The following C3orf52 variants were observed in gnomAD, a reference collection of about 807,000 sequenced individuals.
C3orf52 encodes TPA-induced transmembrane protein.
A neutral mutation model predicts 24.8 loss-of-function variants in C3orf52; 22 were observed. That is an observed-to-expected ratio of 0.89 (90% confidence interval 0.63 to 1.27). The LOEUF (loss-of-function observed/expected upper bound fraction) is 1.27, where lower values mean the gene tolerates loss of function less well. Ranked by LOEUF, C3orf52 falls within the 50% of genes most tolerant of loss-of-function variation. The pLI is 0.00. For synonymous variants in C3orf52, 93 were observed against 100.2 expected (o/e 0.93, Z 0.43); for missense variants, 265 against 260.7 (o/e 1.02, Z -0.11).
intron 4 of C3orf52, chr3:112,123,758 C>A (rs1415554634): frequency 1.2e-6 from 2 of 1,612,882 alleles, no homozygotes; most frequent in Non-Finnish European, 1.7e-6. Flanking sequence ...CTGAGTAGGT[C>A]TGGTCAACAT....
chr3:112,110,858 A>G (rs750257549), intron 4 of C3orf52, among the ~76,000 whole-genome samples: 21 of 152,218 alleles, frequency 1.4e-4, no homozygotes, highest in Non-Finnish European at 2.6e-4. Flanking sequence ...TGTGGGGCCA[A>G]ACAGACCTGA....
intron 5 of C3orf52, among the ~76,000 whole-genome samples, chr3:112,114,359 C>G (rs2074114262): frequency 6.8e-6 from 1 of 146,804 alleles, no homozygotes; most frequent in South Asian, 2.2e-4. Context: ...CAGGCAGACA[C>G]TATATGTGTG....
At chr3:112,131,746 CAA>C (rs1417027221), downstream of C3orf52, among the ~76,000 whole-genome samples, 5 of 152,202 alleles carry the variant, frequency 3.3e-5, no homozygotes, top group East Asian at 9.6e-4. Flanking sequence ...TGTAAAATAA[CAA>C]AATCAAAACT....
At chr3:112,123,747 T>G in intron 4 of C3orf52, 1 of 1,613,416 alleles carries the variant, frequency 6.2e-7, no homozygotes, top group South Asian at 1.1e-5. Flanking sequence ...GCACAGCTCC[T>G]CTGAGTAGGT....
Position 112,123,878 on chromosome 3 carries a change from C to T in C3orf52, c.*46+4316C>T. 4.3e-6 allele frequency: 5 copies of T among 1,175,190 alleles called. No individual in the cohort carries two copies. The South Asian group carries it at 7.5e-5, about 18-fold the overall frequency. The allele number at this position is 1,175,190 out of a possible 1,614,324, so 72.8% of individuals were successfully genotyped here. A position where few individuals can be genotyped will look rare whatever the true frequency, so the allele number is the denominator to read the frequency against. ...CCTTGGTCAAGTCTGTCTTCTATGA[C>T]CACCTCCTCCCCATCTCTTGGCCAT... On this transcript the variant is annotated intron_variant, in intron 4 of 4. Transcript: ENST00000480282.
At chr3:112,128,067 A>G in intron 4 of C3orf52, 1 of 1,613,152 alleles carries the variant, frequency 6.2e-7, no homozygotes. Flanking sequence ...AGCATCTAAA[A>G]TACCCAAGAG....
In C3orf52 at chr3:112,115,318, G is replaced by A. The variant is rs59967418; in HGVS notation, c.650-1324G>A. 4.4e-3 allele frequency among the ~76,000 whole-genome samples: 672 copies of A among 152,260 alleles called. 5 individuals carry two copies. Among genetic ancestry groups the A allele is most frequent in the African/African-American group, 0.015 (605 of 41,540 alleles). ...AGGCAGATGGGGGATGAGCTCAGAGGCAAACTCTAGAGAAAGGGAAAATGT... is the reference window on the plus strand; with the variant it reads ...AGGCAGATGGGGGATGAGCTCAGAGACAAACTCTAGAGAAAGGGAAAATGT... On this transcript the variant is annotated intron_variant, in intron 5 of 5. Transcript: ENST00000264848.
chr3:112,088,155 T>A (rs916737753), intron 1 of C3orf52, among the ~76,000 whole-genome samples: 8 of 152,194 alleles, frequency 5.3e-5, no homozygotes, highest in Non-Finnish European at 1.2e-4. Flanking sequence ...AGGAGAGCTG[T>A]CCTCAGTAAC....
chr3:112,127,132 T>C (rs1337392575), intron 4 of C3orf52: 2 of 725,158 alleles, frequency 2.8e-6, no homozygotes, highest in Admixed American at 2.8e-5. Flanking sequence ...TTGTTAAAGT[T>C]ATATACCTTT....
chr3:112,095,577 G>A (rs1329266539), intron 2 of C3orf52, among the ~76,000 whole-genome samples: 2 of 152,184 alleles, frequency 1.3e-5, no homozygotes, highest in African/African-American at 2.4e-5. Flanking sequence ...GATGTAAAAG[G>A]TTATGGGATA....
intron 5 of C3orf52, among the ~76,000 whole-genome samples, chr3:112,113,576 A>G (rs547947207): frequency 3.3e-5 from 5 of 152,342 alleles, no homozygotes; most frequent in Admixed American, 6.5e-5. Context: ...GAGTATCTCA[A>G]TATGGGGAAC....
chr3:112,131,880 A>G (rs1476265205), downstream of C3orf52, among the ~76,000 whole-genome samples: 2 of 152,216 alleles, frequency 1.3e-5, no homozygotes, highest in South Asian at 4.1e-4. Context: ...ATAAAAAACC[A>G]TAAGAAGTCC....
chr3:112,119,617 C>T, downstream of C3orf52: 4 of 679,616 alleles, frequency 5.9e-6, no homozygotes, highest in Non-Finnish European at 1.1e-5. Context: ...GAATCCTGTC[C>T]TATTCAGAGT....
At chr3:112,124,058 G>C (rs1386663789) in intron 4 of C3orf52, among the ~76,000 whole-genome samples, 2 of 152,174 alleles carry the variant, frequency 1.3e-5, no homozygotes, top group African/African-American at 4.8e-5. Flanking sequence ...CAAATCTAAT[G>C]TTGAAATTTT....
intron 3 of C3orf52, 34 bp downstream of exon 3, chr3:112,102,999 T>A: frequency 6.2e-7 from 1 of 1,601,954 alleles, no homozygotes; most frequent in Non-Finnish European, 8.5e-7. Flanking sequence ...TAAGGAGTTC[T>A]TGACATTAGA....
At chr3:112,136,276 G>A in the C3orf52 span, among the ~76,000 whole-genome samples, 1 of 152,202 alleles carries the variant, frequency 6.6e-6, no homozygotes, top group Non-Finnish European at 1.5e-5. Flanking sequence ...GCATATAAAA[G>A]GGGAAGATTT....
chr3:112,090,278 TTTCA>T (rs2073865272), intron 1 of C3orf52, among the ~76,000 whole-genome samples: 1 of 150,836 alleles, frequency 6.6e-6, no homozygotes, highest in Non-Finnish European at 1.5e-5. Context: ...TGTCTGACAG[TTTCA>T]TGTGCTTTTT....
chr3:112,100,668 GA>G (rs749341130), intron 2 of C3orf52, among the ~76,000 whole-genome samples: 1 of 152,198 alleles, frequency 6.6e-6, no homozygotes, highest in East Asian at 1.9e-4. Flanking sequence ...ATCTATTATG[GA>G]AATCTACATG....
intron 1 of C3orf52, among the ~76,000 whole-genome samples, chr3:112,086,752 C>T (rs767932932): frequency 1.3e-5 from 2 of 152,212 alleles, no homozygotes; most frequent in Non-Finnish European, 2.9e-5. Flanking sequence ...CCCTGGGGTC[C>T]TCCAACCCCT....
Sources: gnomAD v4.1 joint callset for allele counts (sites outside exome capture counted in the v4.1 genomes callset) on GRCh38, gnomAD v4.1.1 for gene constraint, MANE v1.5 for transcripts, NCBI Gene and HGNC (gene_info 2026-07-23, HGNC 2026-07-21) for gene names.